SMIM36: variants seen among roughly 807,000 people sequenced by gnomAD.
SMIM36 encodes small integral membrane protein 36.
intron 3 of SMIM36, among the ~76,000 whole-genome samples, chr17:55,474,584 GGTTTTT>G (rs1909398119): frequency 6.6e-6 from 1 of 152,104 alleles, no homozygotes. Context: ...TCGGCACTTT[GGTTTTT>G]GTTTTTGACT....
intron 4 of SMIM36, among the ~76,000 whole-genome samples, chr17:55,463,623 G>A (rs571579260): frequency 1.3e-5 from 2 of 152,102 alleles, no homozygotes; most frequent in Non-Finnish European, 2.9e-5. Flanking sequence ...ACTGTACTGA[G>A]AATAAGAGGG....
chr17:55,516,946 C>G, the SMIM36 span, among the ~76,000 whole-genome samples: 4 of 152,068 alleles, frequency 2.6e-5, no homozygotes, highest in African/African-American at 9.7e-5. Context: ...CCTGAGAAGA[C>G]GCTTCTCCCC....
At chr17:55,502,104 A>G (rs1326540790) in intron 1 of SMIM36, among the ~76,000 whole-genome samples, 4 of 151,414 alleles carry the variant, frequency 2.6e-5, no homozygotes, top group African/African-American at 9.7e-5. Flanking sequence ...TTGCTAGCAC[A>G]GCAGTCTGTG....
At chr17:55,459,442 T>C (rs966599599) in intron 4 of SMIM36, among the ~76,000 whole-genome samples, 1 of 152,142 alleles carries the variant, frequency 6.6e-6, no homozygotes, top group African/African-American at 2.4e-5. Context: ...ATATGGGTCT[T>C]TTATGAATTT....
intron 4 of SMIM36, among the ~76,000 whole-genome samples, chr17:55,466,681 G>A (rs1036365145): frequency 2.0e-5 from 3 of 152,110 alleles, no homozygotes; most frequent in Non-Finnish European, 2.9e-5. Flanking sequence ...TTTCCAGGCC[G>A]AGAGAGTGGG....
rs112287573 is a variant in SMIM36, at chr17:55,508,047, T to C, written c.*174+2832A>G. Among the ~76,000 whole-genome samples the C allele has an allele frequency of 1.8e-4, 28 of 152,286 alleles. 2 individuals carry two copies. The highest frequency in any genetic ancestry group is 6.7e-4 in the African/African-American group (28 of 41,564). On this transcript the variant is annotated intron_variant, in intron 1 of 4. Coordinates refer to ENST00000636752, the Ensembl canonical transcript of SMIM36. ...ACCCCTCTGGCTGCTGGATTAGCCC[T>C]AAATGCAACCATTTGGTTTACTGGT...
At chr17:55,474,075 C>T (rs1373834744) in intron 3 of SMIM36, among the ~76,000 whole-genome samples, 1 of 152,122 alleles carries the variant, frequency 6.6e-6, no homozygotes, top group Non-Finnish European at 1.5e-5. Context: ...CTCACGCGGA[C>T]CCCCTTAGAG....
At chr17:55,463,370 A>G (rs937360898) in intron 4 of SMIM36, among the ~76,000 whole-genome samples, 1 of 152,032 alleles carries the variant, frequency 6.6e-6, no homozygotes, top group African/African-American at 2.4e-5. Context: ...CCTGGGCAAC[A>G]TAGTGAGAAC....
intron 1 of SMIM36, among the ~76,000 whole-genome samples, chr17:55,498,959 G>T (rs1448575313): frequency 1.6e-5 from 2 of 125,204 alleles, no homozygotes; most frequent in Non-Finnish European, 3.1e-5. Context: ...AGATCTGGCT[G>T]CTGCACTCTA....
At chr17:55,460,857 C>A (rs1909137392) in intron 4 of SMIM36, among the ~76,000 whole-genome samples, 1 of 150,884 alleles carries the variant, frequency 6.6e-6, no homozygotes, top group South Asian at 2.1e-4. Flanking sequence ...GACCCTGTCT[C>A]AAAAAAACAA....
At chr17:55,487,864 C>T (rs7225691) in intron 1 of SMIM36, among the ~76,000 whole-genome samples, 86,641 of 151,910 alleles carry the variant, frequency 0.57, 25,911 homozygotes, top group Non-Finnish European at 0.67. Context: ...GGAGGAGTGC[C>T]GACAGCCTTT....
At chr17:55,514,860 G>T (rs556928773), upstream of SMIM36, among the ~76,000 whole-genome samples, 4 of 152,236 alleles carry the variant, frequency 2.6e-5, no homozygotes, top group South Asian at 8.3e-4. Context: ...ATTTCAGAGT[G>T]CCTTGCTTCC....
At chr17:55,500,617 T>G (rs924106350) in intron 1 of SMIM36, among the ~76,000 whole-genome samples, 1 of 150,788 alleles carries the variant, frequency 6.6e-6, no homozygotes, top group African/African-American at 2.4e-5. Flanking sequence ...TTTTAGTTTT[T>G]TCCGAGAGAG....
At chr17:55,501,042 TA>T (rs1909927881) in intron 1 of SMIM36, among the ~76,000 whole-genome samples, 1 of 69,920 alleles carries the variant, frequency 1.4e-5, no homozygotes, top group African/African-American at 7.6e-5. Context: ...TATTATTATA[TA>T]TTATAATATA....
Position 55,508,542 on chromosome 17 carries a change from A to G in SMIM36, c.*174+2337T>C, listed in dbSNP as rs546266978. On this transcript the variant is annotated intron_variant, in intron 1 of 4. Transcript: ENST00000636752. ...ATTTCTTTCCCTTTCATGGGAATAT[A>G]AGTATATAATATATAAAGGGTAGGT... Among the ~76,000 whole-genome samples the G allele has an allele frequency of 2.0e-5, 3 of 149,498 alleles. No individual in the cohort carries two copies. The South Asian group carries it at 6.3e-4, about 32-fold the overall frequency.
chr17:55,514,196 A>G (rs544770401), upstream of SMIM36, among the ~76,000 whole-genome samples: 14 of 151,672 alleles, frequency 9.2e-5, no homozygotes, highest in African/African-American at 2.7e-4. Flanking sequence ...CTCTGGTGCC[A>G]TCTAGTGGCC....
chr17:55,529,552 G>A, the SMIM36 span, among the ~76,000 whole-genome samples: 1 of 151,850 alleles, frequency 6.6e-6, no homozygotes, highest in Admixed American at 6.6e-5. Context: ...CAGATCACAA[G>A]GTCAGGAGAT....
At chr17:55,508,554 T>C (rs1318868305) in intron 1 of SMIM36, among the ~76,000 whole-genome samples, 1 of 150,182 alleles carries the variant, frequency 6.7e-6, no homozygotes, top group Non-Finnish European at 1.5e-5. Flanking sequence ...GTATATAATA[T>C]ATAAAGGGTA....
chr17:55,511,427 C>A lies in SMIM36; in HGVS notation c.-93G>T, dbSNP rs970543093. ...AGCAGATCTTAGAGCATCGGAATAGCTACATTGGCTCTGGAGTAAAAATAC... is the reference window on the plus strand; with the variant it reads ...AGCAGATCTTAGAGCATCGGAATAGATACATTGGCTCTGGAGTAAAAATAC... On this transcript the variant is annotated 5_prime_UTR_variant, in exon 1 of 5. The change abolishes the stop of an existing upstream ORF in the 5' untranslated region. Coordinates refer to ENST00000636752, the Ensembl canonical transcript of SMIM36. 1.8e-5 allele frequency: 7 copies of A among 396,922 alleles called. No homozygotes were observed. The highest frequency in any genetic ancestry group is 1.4e-4 in the African/African-American group (7 of 48,596). 24.6% of individuals were successfully genotyped at this position (396,922 alleles called of 1,614,324 possible).
Sources: allele counts gnomAD v4.1 joint callset (sites outside exome capture counted in the v4.1 genomes callset), GRCh38; gene constraint gnomAD v4.1.1; transcripts MANE v1.5; gene names NCBI Gene and HGNC (gene_info 2026-07-23, HGNC 2026-07-21).